PIGL: variants seen among roughly 807,000 people sequenced by gnomAD.
PIGL encodes N-acetylglucosaminyl-phosphatidylinositol de-N-acetylase.
Under a neutral mutation model 31.1 loss-of-function variants are expected in PIGL, and 22 were observed. That is an observed-to-expected ratio of 0.71 (90% CI 0.51 to 1.01). PIGL has a LOEUF of 1.01. Among genes scored for constraint, PIGL ranks in the 50% least tolerant of loss-of-function variants. PIGL has a pLI of 0.00. For missense variants in PIGL, 302 were observed against 315.9 expected (o/e 0.96, Z 0.33); for synonymous variants, 131 against 117.4 (o/e 1.12, Z -0.75).
At chr17:16,251,309 G>T (rs1374412542) in intron 2 of PIGL, among the ~76,000 whole-genome samples, 1 of 151,708 alleles carries the variant, frequency 6.6e-6, no homozygotes, top group East Asian at 1.9e-4. Context: ...TGTGGTCCCA[G>T]CTCCTTGGGA....
intron 3 of PIGL, among the ~76,000 whole-genome samples, chr17:16,307,325 C>A (rs1207833186): frequency 1.3e-5 from 2 of 152,136 alleles, no homozygotes; most frequent in African/African-American, 4.8e-5. Flanking sequence ...TCTTGCTAGG[C>A]CATAGGGTGT....
At chr17:16,256,416 C>T (rs943411112) in intron 2 of PIGL, among the ~76,000 whole-genome samples, 3 of 152,276 alleles carry the variant, frequency 2.0e-5, no homozygotes, top group Admixed American at 1.3e-4. Context: ...CGGCTCACTG[C>T]AACCTCCACC....
At chr17:16,274,754 G>A (rs553686054) in intron 2 of PIGL, among the ~76,000 whole-genome samples, 57 of 151,046 alleles carry the variant, frequency 3.8e-4, no homozygotes, top group African/African-American at 1.2e-3. Context: ...GGGATAGGCC[G>A]GGCACTATGG....
chr17:16,263,547 C>T (rs775578196), intron 2 of PIGL, among the ~76,000 whole-genome samples: 3 of 148,506 alleles, frequency 2.0e-5, no homozygotes, highest in East Asian at 4.0e-4. Flanking sequence ...TTTTCTTAAA[C>T]GAAGTCTCGC....
intron 2 of PIGL, among the ~76,000 whole-genome samples, chr17:16,254,961 C>T (rs2092787940): frequency 6.6e-6 from 1 of 152,172 alleles, no homozygotes. Flanking sequence ...ATATATAATA[C>T]TTGCTCAATT....
chr17:16,291,364 G>T (rs1438987761), intron 2 of PIGL, among the ~76,000 whole-genome samples: 1 of 150,578 alleles, frequency 6.6e-6, no homozygotes, highest in Non-Finnish European at 1.5e-5. Flanking sequence ...AAAATTAGTC[G>T]AGCGTGGTGG....
At chr17:16,245,016 G>C (rs2092738505) in intron 2 of PIGL, among the ~76,000 whole-genome samples, 1 of 151,366 alleles carries the variant, frequency 6.6e-6, no homozygotes, top group East Asian at 2.0e-4. Flanking sequence ...TTTTGAGACG[G>C]AGTTTCGCTC....
At chr17:16,287,802 A>G (rs1405942598) in intron 2 of PIGL, among the ~76,000 whole-genome samples, 8 of 152,220 alleles carry the variant, frequency 5.3e-5, no homozygotes, top group Admixed American at 5.2e-4. Flanking sequence ...ATAAGCCACA[A>G]TTCAGGAAGT....
Position 16,313,633 on chromosome 17 carries a change from T to G in PIGL, c.494+19T>G. ...CTGTGAGGTATGATTCTCCGGGTGA[T>G]GGATGTGGGGGAGGGTTTGTTTATT... is the stretch of plus-strand genomic sequence containing the variant. On this transcript the variant is annotated intron_variant, in intron 4 of 6. Coordinates refer to ENST00000225609, the MANE Select transcript of PIGL (RefSeq NM_004278.4). 6.3e-7 allele frequency: 1 copy of G among 1,588,652 alleles called. No homozygotes were observed. The highest frequency in any genetic ancestry group is 8.6e-7 in the Non-Finnish European group (1 of 1,156,830).
intron 5 of PIGL, chr17:16,317,524 A>G: frequency 8.1e-7 from 1 of 1,236,076 alleles, no homozygotes; most frequent in Non-Finnish European, 1.0e-6. Flanking sequence ...AACCTCTAGC[A>G]GCCAACCTTT....
At chr17:16,230,622 CTT>C (rs764511731) in intron 1 of PIGL, among the ~76,000 whole-genome samples, 13 of 144,132 alleles carry the variant, frequency 9.0e-5, no homozygotes, top group Admixed American at 7.0e-5. Context: ...GTCATAATCA[CTT>C]TTTTTTTTTT....
chr17:16,228,604 G>GA, intron 1 of PIGL, among the ~76,000 whole-genome samples: 1 of 151,196 alleles, frequency 6.6e-6, no homozygotes, highest in East Asian at 2.0e-4. Context: ...TAGCCAGGAT[G>GA]GTCTCGATCT....
chr17:16,252,529 G>A (rs892393136), intron 2 of PIGL, among the ~76,000 whole-genome samples: 2 of 150,258 alleles, frequency 1.3e-5, no homozygotes, highest in African/African-American at 4.9e-5. Flanking sequence ...ATCTGTGTAG[G>A]TTTTTTTTAG....
At chr17:16,259,069 T>A (rs1443189929) in intron 2 of PIGL, among the ~76,000 whole-genome samples, 1 of 152,196 alleles carries the variant, frequency 6.6e-6, no homozygotes, top group Non-Finnish European at 1.5e-5. Flanking sequence ...AAGTTGCAGC[T>A]GTTTGTGTGT....
At chr17:16,291,758 G>A (rs370640156) in intron 2 of PIGL, among the ~76,000 whole-genome samples, 3 of 150,714 alleles carry the variant, frequency 2.0e-5, no homozygotes, top group South Asian at 2.1e-4. Flanking sequence ...CCAGCTACTC[G>A]GGAGGCTGAA....
chr17:16,245,206 T>A (rs2092739431), intron 2 of PIGL, among the ~76,000 whole-genome samples: 1 of 152,050 alleles, frequency 6.6e-6, no homozygotes, highest in Non-Finnish European at 1.5e-5. Context: ...TTGGCCAGGA[T>A]GGTCTCAATC....
At chr17:16,239,061 T>TGGTGGCACGCACCCTGTA (rs1408524642) in intron 2 of PIGL, among the ~76,000 whole-genome samples, 1 of 151,588 alleles carries the variant, frequency 6.6e-6, no homozygotes, top group Non-Finnish European at 1.5e-5. Flanking sequence ...TAGCTAGGTG[T>TGGTGGCACGCACCCTGTA]GGTGGCACGC....
At chr17:16,308,330 T>C (rs776509171) in intron 3 of PIGL, among the ~76,000 whole-genome samples, 6 of 138,946 alleles carry the variant, frequency 4.3e-5, no homozygotes, top group Non-Finnish European at 7.7e-5. Flanking sequence ...AAACTCCGTC[T>C]CAAAAAAAAA....
chr17:16,217,535 C>A (rs2092593904), intron 1 of PIGL, 74 bp downstream of exon 1: 2 of 1,218,622 alleles, frequency 1.6e-6, no homozygotes, highest in South Asian at 1.3e-5. Flanking sequence ...TCTCAGTCGC[C>A]TTCTTCTCGA....
Sources: gnomAD v4.1 joint callset for allele counts (sites outside exome capture counted in the v4.1 genomes callset) on GRCh38, gnomAD v4.1.1 for gene constraint, MANE v1.5 for transcripts, NCBI Gene and HGNC (gene_info 2026-07-23, HGNC 2026-07-21) for gene names.